Variants in VPS13B observed in about 807,000 individuals in gnomAD.
The protein encoded by VPS13B is intermembrane lipid transfer protein VPS13B.
Under a neutral mutation model 426.4 loss-of-function variants are expected in VPS13B, and 285 were observed. The observed-to-expected ratio is 0.67, with a 90% CI of 0.61 to 0.74. The LOEUF (loss-of-function observed/expected upper bound fraction) is 0.74, where lower values mean the gene tolerates loss of function less well. Ranked by LOEUF, VPS13B falls within the 30% of genes least tolerant of loss-of-function variation. VPS13B has a pLI of 0.00. For missense variants in VPS13B, 4,537 were observed against 4,782.6 expected (o/e 0.95, Z 1.51); for synonymous variants, 1,676 against 1,676.4 (o/e 1.00, Z 0.01).
chr8:99,165,597 G>A (rs913742601), intron 15 of VPS13B, among the ~76,000 whole-genome samples: 2 of 152,170 alleles, frequency 1.3e-5, no homozygotes, highest in Non-Finnish European at 2.9e-5. Context: ...AAACCCTTTG[G>A]ATTCTTTGGA....
intron 35 of VPS13B, among the ~76,000 whole-genome samples, chr8:99,666,494 T>A (rs1267338020): frequency 2.6e-5 from 4 of 152,042 alleles, no homozygotes; most frequent in African/African-American, 9.7e-5. Flanking sequence ...GGATGCAAGG[T>A]TGGTTCAACA....
At chr8:99,595,691 T>C (rs1233666845) in intron 33 of VPS13B, among the ~76,000 whole-genome samples, 1 of 151,780 alleles carries the variant, frequency 6.6e-6, no homozygotes, top group East Asian at 1.9e-4. Flanking sequence ...AGACAACCCA[T>C]AGAATCAGAG....
At chr8:99,179,135 G>T (rs1274623568) in intron 16 of VPS13B, among the ~76,000 whole-genome samples, 2 of 152,066 alleles carry the variant, frequency 1.3e-5, no homozygotes, top group East Asian at 3.9e-4. Context: ...AAATTTTGGT[G>T]CCTATCATGT....
intron 13 of VPS13B, among the ~76,000 whole-genome samples, chr8:99,145,146 G>C (rs1216127302): frequency 6.6e-6 from 1 of 152,176 alleles, no homozygotes; most frequent in Non-Finnish European, 1.5e-5. Flanking sequence ...TCACCTTGTT[G>C]GGTTTTAGGG....
chr8:99,574,363 AT>A (rs1825656484), intron 31 of VPS13B, among the ~76,000 whole-genome samples: 1 of 152,146 alleles, frequency 6.6e-6, no homozygotes, highest in Non-Finnish European at 1.5e-5. Flanking sequence ...GAGAGAGGGC[AT>A]TCCCTGTCTT....
intron 30 of VPS13B, among the ~76,000 whole-genome samples, chr8:99,528,351 T>C (rs1822758943): frequency 6.6e-6 from 1 of 152,130 alleles, no homozygotes; most frequent in African/African-American, 2.4e-5. Flanking sequence ...ATTCATTTAT[T>C]AAATATACAT....
intron 2 of VPS13B, among the ~76,000 whole-genome samples, chr8:99,029,672 A>G (rs1248733940): frequency 6.6e-6 from 1 of 151,586 alleles, no homozygotes. Flanking sequence ...GGCACTCGGC[A>G]GGCTGAGGCA....
Position 99,333,121 on chromosome 8 carries a change from T to C in VPS13B, c.2825-51087T>C, listed in dbSNP as rs553852895. Among the ~76,000 whole-genome samples, 7 of 151,746 alleles carry C rather than the reference T, an allele frequency of 4.6e-5. No homozygotes were observed. In the East Asian group the frequency reaches 1.4e-3, roughly 29 times the overall value. On this transcript the variant is annotated intron_variant, in intron 19 of 61. Coordinates refer to ENST00000357162, the MANE Select transcript of VPS13B (RefSeq NM_152564.5). The stretch of plus-strand genomic sequence containing the variant: ...AGCTTTGTAGTGAGAGTTTGAATTT[T>C]TGTAGAGTTTATATATTTTAGACAA...
In VPS13B at chr8:99,516,609, C is replaced by T. The variant is rs183104379; in HGVS notation, c.4634-4290C>T. Among the ~76,000 whole-genome samples, 40 of 151,440 alleles carry T rather than the reference C, an allele frequency of 2.6e-4. No homozygotes were observed. The South Asian group carries it at 3.3e-3, about 13-fold the overall frequency. On this transcript the variant is annotated intron_variant, in intron 29 of 61. Transcript: ENST00000357162. ...TTTGAGACTAGCCTGGGCTACATGG[C>T]GAAACCCCATCCTACAAAAAATACA...
intron 23 of VPS13B, among the ~76,000 whole-genome samples, chr8:99,456,261 T>A (rs1431859970): frequency 6.6e-6 from 1 of 152,128 alleles, no homozygotes. Flanking sequence ...CTCTGCCTCC[T>A]GGGTTCAAGT....
chr8:99,435,120 G>A (rs920167944), intron 22 of VPS13B, among the ~76,000 whole-genome samples: 2 of 152,144 alleles, frequency 1.3e-5, no homozygotes, highest in Non-Finnish European at 2.9e-5. Context: ...AGGATGCCTA[G>A]GGCATGTACT....
chr8:99,605,763 A>G (rs976138127), intron 33 of VPS13B, among the ~76,000 whole-genome samples: 3 of 152,168 alleles, frequency 2.0e-5, no homozygotes, highest in African/African-American at 7.2e-5. Flanking sequence ...GGGTGGATCT[A>G]GGTTCTCTGG....
chr8:99,566,486 G>A (rs148032952), intron 31 of VPS13B, among the ~76,000 whole-genome samples: 142 of 151,702 alleles, frequency 9.4e-4, no homozygotes, highest in African/African-American at 3.0e-3. Context: ...TGTCACTCAG[G>A]CTGGAGTGTA....
At chr8:99,706,743 T>G (rs1481518716) in intron 36 of VPS13B, among the ~76,000 whole-genome samples, 1 of 152,180 alleles carries the variant, frequency 6.6e-6, no homozygotes. Flanking sequence ...ACTTTTTTCT[T>G]AATAGCATCT....
intron 19 of VPS13B, among the ~76,000 whole-genome samples, chr8:99,307,671 C>T (rs1444096199): frequency 1.3e-5 from 2 of 151,998 alleles, no homozygotes; most frequent in Admixed American, 6.6e-5. Context: ...TTGATTATTA[C>T]AAGCAACCGA....
chr8:99,666,278 A>G (rs938309662), intron 35 of VPS13B, among the ~76,000 whole-genome samples: 7 of 152,214 alleles, frequency 4.6e-5, no homozygotes, highest in African/African-American at 1.7e-4. Flanking sequence ...AATCAGTAGA[A>G]AAACAGGGAA....
chr8:99,268,657 A>G (rs1818425433), intron 17 of VPS13B, among the ~76,000 whole-genome samples: 1 of 152,184 alleles, frequency 6.6e-6, no homozygotes, highest in Non-Finnish European at 1.5e-5. Flanking sequence ...AGGAAGTTAC[A>G]GGCTCATAGG....
intron 17 of VPS13B, among the ~76,000 whole-genome samples, chr8:99,204,947 C>G: frequency 6.6e-6 from 1 of 152,158 alleles, no homozygotes; most frequent in East Asian, 1.9e-4. Flanking sequence ...GATAGTGTGG[C>G]AATTCCTCAA....
At chr8:99,290,774 A>G (rs1381740908) in intron 19 of VPS13B, among the ~76,000 whole-genome samples, 1 of 152,130 alleles carries the variant, frequency 6.6e-6, no homozygotes, top group East Asian at 1.9e-4. Context: ...GATTCCTGGA[A>G]TAAGTCATGT....
Sources: gnomAD v4.1 joint callset for allele counts (sites outside exome capture counted in the v4.1 genomes callset) on GRCh38, gnomAD v4.1.1 for gene constraint, MANE v1.5 for transcripts, NCBI Gene and HGNC (gene_info 2026-07-23, HGNC 2026-07-21) for gene names.